The following BCKDK variants were observed in gnomAD, a reference collection of about 807,000 sequenced individuals.
BCKDK encodes branched chain keto acid dehydrogenase kinase, also known as branched-chain alpha-ketoacid dehydrogenase kinase.
In BCKDK, 28 loss-of-function variants were observed where a neutral mutation model predicts 43.9. That is an observed-to-expected ratio of 0.64 (90% confidence interval 0.47 to 0.87). The LOEUF is 0.87. Among genes scored for constraint, BCKDK ranks in the 40% least tolerant of loss-of-function variants. BCKDK has a pLI of 0.00. For synonymous variants in BCKDK, 257 were observed against 234.3 expected (o/e 1.10, Z -0.88); for missense variants, 483 against 581.4 (o/e 0.83, Z 1.74).
At chr16:31,116,427 G>A (rs1381551916), downstream of BCKDK, among the ~76,000 whole-genome samples, 1 of 150,968 alleles carries the variant, frequency 6.6e-6, no homozygotes, top group Non-Finnish European at 1.5e-5. Context: ...TAGCCAGGAT[G>A]GTCTCGATCT....
At chr16:31,117,570 G>C (rs2057456315), downstream of BCKDK, 1 of 898,142 alleles carries the variant, frequency 1.1e-6, no homozygotes, top group South Asian at 2.6e-5. Context: ...ATCGGCTCCT[G>C]CTACATCACA....
Position 31,109,278 on chromosome 16 carries a change from C to T in BCKDK, c.55C>T (p.Pro19Ser), listed in dbSNP as rs542452572. Residue 19 changes from proline to serine, a missense_variant, in exon 2 of 12, where the codon CCC (proline) becomes TCC (serine). By Grantham distance (74) the Pro-to-Ser change is moderately conservative. Transcript: ENST00000219794. The surrounding 1 kb of genome is among the most constrained non-coding windows in gnomAD (Gnocchi z 5.3). ...TCCCGGGGGCGGGCTTCCGCTCCGGCCCCTCCTGGGACCCGCACTCGCGCT... is the reference window on the plus strand; with the variant it reads ...TCCCGGGGGCGGGCTTCCGCTCCGGTCCCTCCTGGGACCCGCACTCGCGCT... ...SGPGGGLPLR[P>S]LLGPALALRA... 1.3e-6 allele frequency: 2 copies of T among 1,589,392 alleles called. No homozygotes were observed. Among genetic ancestry groups the T allele is most frequent in the African/African-American group, 1.3e-5 (1 of 74,304 alleles).
rs1363809229 is a variant in BCKDK at position 31,109,594 on chromosome 16, C to T, written c.264+15C>T. On this transcript the variant is annotated intron_variant, in intron 3 of 11. Coordinates refer to ENST00000219794, the MANE Select transcript of BCKDK (RefSeq NM_005881.4). This position sits in a 1 kb window ranked among gnomAD's most constrained non-coding sequence, Gnocchi z 5.3. ...GCCACCTTCTGGTAAGATTCACGCC[C>T]TCTATTTTCCTCGTGGATCCTGGAG... The T allele has an allele frequency of 1.2e-6, 2 of 1,613,928 alleles. No homozygotes were observed. Among genetic ancestry groups the T allele is most frequent in the Non-Finnish European group, 1.7e-6 (2 of 1,179,990 alleles).
At chr16:31,116,915 TC>T (rs2057450004), downstream of BCKDK, among the ~76,000 whole-genome samples, 1 of 91,358 alleles carries the variant, frequency 1.1e-5, no homozygotes, top group African/African-American at 4.5e-5. Flanking sequence ...AGACTCCATC[TC>T]AAAAAAAAAA....
Position 31,109,546 on chromosome 16 carries a change from CGCTGGCCGCTCTCAGGACG to C in BCKDK, c.234_252del (p.Gly79AlafsTer4). The C allele has an allele frequency of 6.2e-7, 1 of 1,614,134 alleles. No homozygotes were observed. The highest frequency in any genetic ancestry group is 8.5e-7 in the Non-Finnish European group (1 of 1,180,024). ...GCCTAACGCCCACCATGATGCTCTA[CGCTGGCCGCTCTCAGGACG>C]GCAGCCACCTTCTGGTAAGATTCAC... On this transcript the variant is annotated frameshift_variant, in exon 3 of 12. Transcript: ENST00000219794. LOFTEE classifies it high-confidence loss of function. The surrounding 1 kb of genome is among the most constrained non-coding windows in gnomAD (Gnocchi z 5.3).
At position 31,109,073 on chromosome 16, in the gene BCKDK, C is replaced by T; in HGVS notation, c.-151C>T. 1 of 642,226 alleles carries T rather than the reference C, an allele frequency of 1.6e-6. No individual in the cohort carries two copies. Among genetic ancestry groups the T allele is most frequent in the Non-Finnish European group, 2.5e-6 (1 of 404,014 alleles). 39.8% of individuals were successfully genotyped at this position (642,226 alleles called of 1,614,324 possible). On this transcript the variant is annotated 5_prime_UTR_variant, in exon 2 of 12. Coordinates refer to ENST00000219794, the MANE Select transcript of BCKDK (RefSeq NM_005881.4). This position sits in a 1 kb window ranked among gnomAD's most constrained non-coding sequence, Gnocchi z 5.3. ...TGGGAGCTGCTCTCCGCGGGCTGAG[C>T]CTGTCAGCATCCTCGACGCACCCTG...
In BCKDK at chr16:31,109,767, C is replaced by T; in HGVS notation, c.359C>T (p.Pro120Leu). 1 of 1,613,816 alleles carries T rather than the reference C, an allele frequency of 6.2e-7. No homozygotes were observed. The highest frequency in any genetic ancestry group is 8.5e-7 in the Non-Finnish European group (1 of 1,180,006). ...CTTCCTTTCATCATTGGCTGCAACC[C>T]CACCATACTGCACGTGGTAAGGTAG... ...RCLPFIIGCNPTILHVHELYI... is the reference protein window; with the variant it reads ...RCLPFIIGCNLTILHVHELYI... The change falls in exon 4 of 12, where the codon CCC (proline) becomes CTC (leucine). Residue 120 changes from proline (P) to leucine (L), a missense_variant. Pro to Leu is a moderately conservative substitution (Grantham distance 98). Coordinates refer to ENST00000219794, the MANE Select transcript of BCKDK (RefSeq NM_005881.4). The surrounding 1 kb of genome is among the most constrained non-coding windows in gnomAD (Gnocchi z 5.3).
rs2057406402 is a variant in BCKDK, at chr16:31,110,900, C to T, written c.716+139C>T. ...TATTGACATTTCCAGCCAGATAATT[C>T]TTTGTCACAGGGGCTGCCCCGTGCA... On this transcript the variant is annotated intron_variant, in intron 8 of 11. Transcript: ENST00000219794. This position sits in a 1 kb window ranked among gnomAD's most constrained non-coding sequence, Gnocchi z 5.4. 20 of 1,367,298 alleles carry T rather than the reference C, an allele frequency of 1.5e-5. No homozygotes were observed. Among genetic ancestry groups the T allele is most frequent in the Admixed American group, 3.8e-5 (2 of 52,098 alleles). The allele number at this position is 1,367,298 out of a possible 1,614,324, so 84.7% of individuals were successfully genotyped here. A position where few individuals can be genotyped will look rare whatever the true frequency, so the allele number is the denominator to read the frequency against.
In BCKDK at chr16:31,109,003, T is replaced by G. The variant is rs1219290248; in HGVS notation, c.-177-44T>G. On this transcript the variant is annotated intron_variant, in intron 1 of 11. Coordinates refer to ENST00000219794, the MANE Select transcript of BCKDK (RefSeq NM_005881.4). The surrounding 1 kb of genome is among the most constrained non-coding windows in gnomAD (Gnocchi z 5.3). ...ACAGGTGGAGAGATGGTGCGGGTTCTGTGGATTCGGATCCTTACAACTTCC... is the reference window on the plus strand; with the variant it reads ...ACAGGTGGAGAGATGGTGCGGGTTCGGTGGATTCGGATCCTTACAACTTCC... The G allele has an allele frequency of 4.2e-6, 2 of 479,374 alleles. No homozygotes were observed. The highest frequency in any genetic ancestry group is 7.4e-6 in the Non-Finnish European group (2 of 271,306). 29.7% of individuals were successfully genotyped at this position (479,374 alleles called of 1,614,324 possible).
Position 31,111,974 on chromosome 16 carries a change from C to T in BCKDK, c.1041C>T (p.Pro347=). ...EASTQDPRIS[P]LFGHLDMHSG... is the part of the protein sequence containing the mutation. ...GCACACAGGACCCCCGGATCAGCCC[C>T]CTCTTTGGCCATCTGGACATGCATA... Residue 347 remains proline (P), a synonymous_variant, in exon 11 of 12, where the codon CCC becomes CCT. Coordinates refer to ENST00000219794, the MANE Select transcript of BCKDK (RefSeq NM_005881.4). 6.2e-7 allele frequency: 1 copy of T among 1,614,160 alleles called. No homozygotes were observed. The highest frequency in any genetic ancestry group is 1.1e-5 in the South Asian group (1 of 91,084).
At position 31,112,292 on chromosome 16, in the gene BCKDK, G is replaced by A. The variant is rs767914921; in HGVS notation, c.*27G>A. On this transcript the variant is annotated 3_prime_UTR_variant, in exon 12 of 12. Transcript: ENST00000219794. This position sits in a 1 kb window ranked among gnomAD's most constrained non-coding sequence, Gnocchi z 5.0. ...CCCACAGCCTTTGGCCTGCTCACCC[G>A]ACCAGCCTGGGCCGCATTCCCTGCA... The A allele has an allele frequency of 2.7e-5, 44 of 1,603,904 alleles. No homozygotes were observed. Among genetic ancestry groups the A allele is most frequent in the East Asian group, 2.7e-4 (12 of 44,872 alleles).
chr16:31,109,554 G>A lies in BCKDK; in HGVS notation c.239G>A (p.Arg80His). The A allele has an allele frequency of 6.2e-7, 1 of 1,614,060 alleles. No individual in the cohort carries two copies. The highest frequency in any genetic ancestry group is 8.5e-7 in the Non-Finnish European group (1 of 1,180,024). The change falls in exon 3 of 12, where the codon CGC becomes CAC. Residue 80 changes from arginine (R) to histidine (H), a missense_variant. Transcript: ENST00000219794. The surrounding 1 kb of genome is among the most constrained non-coding windows in gnomAD (Gnocchi z 5.3). ...LTPTMMLYAG[R>H]SQDGSHLLKS... ...CCCACCATGATGCTCTACGCTGGCCGCTCTCAGGACGGCAGCCACCTTCTG... is the reference window on the plus strand; with the variant it reads ...CCCACCATGATGCTCTACGCTGGCCACTCTCAGGACGGCAGCCACCTTCTG...
At chr16:31,116,448 C>T (rs913190369), downstream of BCKDK, among the ~76,000 whole-genome samples, 1 of 150,134 alleles carries the variant, frequency 6.7e-6, no homozygotes, top group Non-Finnish European at 1.5e-5. Context: ...CCGCCCGCCT[C>T]GGCCTCTCAA....
In BCKDK at chr16:31,111,278, CTGG is replaced by C; in HGVS notation, c.846-20_846-18del. The C allele has an allele frequency of 6.2e-7, 1 of 1,614,116 alleles. No homozygotes were observed. Among genetic ancestry groups the C allele is most frequent in the Non-Finnish European group, 8.5e-7 (1 of 1,180,010 alleles). On this transcript the variant is annotated intron_variant, in intron 9 of 11. Coordinates refer to ENST00000219794, the MANE Select transcript of BCKDK (RefSeq NM_005881.4). ...ACAGGAACCGGGGTGCTTGTACCTA[CTGG>C]TCTTTCCCCTCTGCATAGAGCCACA...
chr16:31,109,548 C>G lies in BCKDK; in HGVS notation c.233C>G (p.Ala78Gly). The G allele has an allele frequency of 6.2e-7, 1 of 1,614,160 alleles. No individual in the cohort carries two copies. The highest frequency in any genetic ancestry group is 8.5e-7 in the Non-Finnish European group (1 of 1,180,024). ...VRLTPTMMLY[A>G]GRSQDGSHLL... ...CTAACGCCCACCATGATGCTCTACG[C>G]TGGCCGCTCTCAGGACGGCAGCCAC... is the stretch of plus-strand genomic sequence containing the variant. The change falls in exon 3 of 12, where the codon GCT becomes GGT. Residue 78 changes from alanine to glycine, a missense_variant. By Grantham distance (60) the Ala-to-Gly change is moderately conservative. Coordinates refer to ENST00000219794, the MANE Select transcript of BCKDK (RefSeq NM_005881.4). This position sits in a 1 kb window ranked among gnomAD's most constrained non-coding sequence, Gnocchi z 5.3.
In BCKDK at chr16:31,109,321, C is replaced by T; in HGVS notation, c.98C>T (p.Ser33Leu). 6.2e-7 allele frequency: 1 copy of T among 1,608,942 alleles called. No homozygotes were observed. Among genetic ancestry groups the T allele is most frequent in the Non-Finnish European group, 8.5e-7 (1 of 1,177,590 alleles). The change falls in exon 2 of 12, where the codon TCG becomes TTG. Residue 33 changes from serine to leucine, a missense_variant. Coordinates refer to ENST00000219794, the MANE Select transcript of BCKDK (RefSeq NM_005881.4). This position sits in a 1 kb window ranked among gnomAD's most constrained non-coding sequence, Gnocchi z 5.3. ...PALALRARST[S>L]ATDTHHVEMA... ...CTCGCGCTCCGGGCCCGCTCGACGT[C>T]GGCCACCGACACACACCACGTGGAG...
At position 31,109,263 on chromosome 16, in the gene BCKDK, G is replaced by A. The variant is rs756485571; in HGVS notation, c.40G>A (p.Gly14Arg). The change falls in exon 2 of 12, where the codon GGG becomes AGG. Residue 14 changes from glycine (G) to arginine (R), a missense_variant. Coordinates refer to ENST00000219794, the MANE Select transcript of BCKDK (RefSeq NM_005881.4). This position sits in a 1 kb window ranked among gnomAD's most constrained non-coding sequence, Gnocchi z 5.3. ...GGTGCTGAGGAGCGGTCCCGGGGGC[G>A]GGCTTCCGCTCCGGCCCCTCCTGGG... ...ASVLRSGPGG[G>R]LPLRPLLGPA... The A allele has an allele frequency of 5.8e-6, 9 of 1,557,682 alleles. No homozygotes were observed. In the East Asian group the frequency reaches 1.6e-4, roughly 27 times the overall value.
chr16:31,113,594 A>T (rs143119015), downstream of BCKDK, among the ~76,000 whole-genome samples: 1 of 152,296 alleles, frequency 6.6e-6, no homozygotes, highest in Non-Finnish European at 1.5e-5. Flanking sequence ...CTCCCACCTC[A>T]GCCTTCTGAG....
Position 31,109,254 on chromosome 16 carries a change from C to T in BCKDK, c.31C>T (p.Pro11Ser), listed in dbSNP as rs764651763. The T allele has an allele frequency of 5.8e-6, 9 of 1,546,242 alleles. No individual in the cohort carries two copies. In the East Asian group the frequency reaches 1.4e-4, roughly 23 times the overall value. Residue 11 changes from proline to serine, a missense_variant, in exon 2 of 12, where the codon CCC (proline) becomes TCC (serine). Physicochemically the swap from Pro to Ser is moderately conservative, Grantham distance 74. Coordinates refer to ENST00000219794, the MANE Select transcript of BCKDK (RefSeq NM_005881.4). This position sits in a 1 kb window ranked among gnomAD's most constrained non-coding sequence, Gnocchi z 5.3. Reference protein sequence around the residue: MILASVLRSGPGGGLPLRPLL... With the variant: MILASVLRSGSGGGLPLRPLL... ...CCTGGCGTCGGTGCTGAGGAGCGGT[C>T]CCGGGGGCGGGCTTCCGCTCCGGCC... is the stretch of plus-strand genomic sequence containing the variant.
Sources: allele counts gnomAD v4.1 joint callset (sites outside exome capture counted in the v4.1 genomes callset), GRCh38; gene constraint gnomAD v4.1.1; non-coding constraint Gnocchi (gnomAD v3.1); transcripts MANE v1.5; gene names NCBI Gene and HGNC (gene_info 2026-07-23, HGNC 2026-07-21).